Variants in HOOK3 observed in about 807,000 individuals in gnomAD.
HOOK3 encodes hook microtubule tethering protein 3, also known as protein Hook homolog 3.
HOOK3 carries 24 observed loss-of-function variants against 116.3 expected under a neutral mutation model. That is an observed-to-expected ratio of 0.21 (90% CI 0.15 to 0.29). The LOEUF is 0.29. Among genes scored for constraint, HOOK3 ranks in the 10% least tolerant of loss-of-function variants. The pLI is 1.00. For missense variants in HOOK3, 632 were observed against 830.2 expected (o/e 0.76, Z 2.93); for synonymous variants, 275 against 283.0 (o/e 0.97, Z 0.28).
intron 11 of HOOK3, among the ~76,000 whole-genome samples, chr8:42,970,412 T>G (rs1260549826): frequency 6.6e-6 from 1 of 152,212 alleles, no homozygotes; most frequent in Non-Finnish European, 1.5e-5. Context: ...GCCCTTTGCT[T>G]TCCCTTTAAA....
At chr8:42,934,450 T>C (rs1807927723) in intron 4 of HOOK3, among the ~76,000 whole-genome samples, 1 of 152,142 alleles carries the variant, frequency 6.6e-6, no homozygotes, top group African/African-American at 2.4e-5. Flanking sequence ...CGTGCAGGTT[T>C]GTTACATAGC....
chr8:42,949,249 T>C (rs1808293163), intron 5 of HOOK3: 1 of 152,250 alleles, frequency 6.6e-6, no homozygotes, highest in South Asian at 2.1e-4. Flanking sequence ...GTGTTTCTTA[T>C]TGCAAAGGCA....
chr8:42,996,654 C>G (rs368874391), intron 15 of HOOK3, among the ~76,000 whole-genome samples: 10 of 152,180 alleles, frequency 6.6e-5, no homozygotes, highest in African/African-American at 2.2e-4. Context: ...TTTCTGCATA[C>G]TTTGGACATA....
chr8:42,978,465 C>T (rs549750236), intron 13 of HOOK3, among the ~76,000 whole-genome samples: 1 of 150,606 alleles, frequency 6.6e-6, no homozygotes, highest in African/African-American at 2.4e-5. Context: ...GGCTGGAGTG[C>T]AATGGCGCTA....
intron 16 of HOOK3, among the ~76,000 whole-genome samples, chr8:42,998,321 C>A (rs1340717235): frequency 1.3e-5 from 2 of 152,110 alleles, no homozygotes; most frequent in Non-Finnish European, 2.9e-5. Flanking sequence ...AACAACCGAG[C>A]TAAGACTTAG....
chr8:42,973,225 A>G, intron 11 of HOOK3, 64 bp from the exon 12 acceptor site: 3 of 1,525,880 alleles, frequency 2.0e-6, no homozygotes, highest in Non-Finnish European at 1.8e-6. Context: ...AACCTGTAGA[A>G]GAAAATAAGG....
intron 4 of HOOK3, among the ~76,000 whole-genome samples, chr8:42,942,872 C>T (rs1465987869): frequency 6.6e-6 from 1 of 152,182 alleles, no homozygotes; most frequent in African/African-American, 2.4e-5. Flanking sequence ...TTTCATGCTC[C>T]TTCCTGACGT....
intron 15 of HOOK3, among the ~76,000 whole-genome samples, chr8:42,988,036 C>G (rs779275358): frequency 1.3e-5 from 2 of 152,096 alleles, no homozygotes; most frequent in African/African-American, 2.4e-5. Context: ...ATCCATCCTA[C>G]CCTTTTTCCT....
intron 6 of HOOK3, among the ~76,000 whole-genome samples, chr8:42,955,887 G>A (rs1440828070): frequency 1.3e-5 from 2 of 152,162 alleles, no homozygotes; most frequent in African/African-American, 2.4e-5. Context: ...TTTAAGAGAT[G>A]TGGTCTTGTT....
chr8:42,973,231 T>G, intron 11 of HOOK3, 58 bp from the exon 12 acceptor site: 2 of 1,533,362 alleles, frequency 1.3e-6, no homozygotes, highest in South Asian at 1.3e-5. Flanking sequence ...TAGAAGAAAA[T>G]AAGGATAATT....
chr8:42,963,208 T>C (rs1808569213), intron 8 of HOOK3, among the ~76,000 whole-genome samples: 1 of 152,206 alleles, frequency 6.6e-6, no homozygotes, highest in South Asian at 2.1e-4. Context: ...ATTCCATATA[T>C]GAAATTCGGG....
At chr8:42,989,684 A>G (rs1430721875) in intron 15 of HOOK3, among the ~76,000 whole-genome samples, 4 of 152,244 alleles carry the variant, frequency 2.6e-5, no homozygotes, top group South Asian at 4.1e-4. Context: ...TGCGCTAGGA[A>G]ATACTAGGTC....
intron 14 of HOOK3, among the ~76,000 whole-genome samples, chr8:42,985,849 G>T (rs1458090456): frequency 6.6e-6 from 1 of 152,028 alleles, no homozygotes; most frequent in African/African-American, 2.4e-5. Flanking sequence ...AAAAGTAAAA[G>T]ATTTATTGTG....
At chr8:42,942,639 GT>G (rs891099482) in intron 4 of HOOK3, among the ~76,000 whole-genome samples, 1 of 152,056 alleles carries the variant, frequency 6.6e-6, no homozygotes, top group African/African-American at 2.4e-5. Flanking sequence ...TGCTTTCATT[GT>G]TTTTGCCTAT....
intron 6 of HOOK3, among the ~76,000 whole-genome samples, chr8:42,953,566 A>G (rs181564540): frequency 0.017 from 2,444 of 146,348 alleles, 28 homozygotes; most frequent in Non-Finnish European, 0.023. Flanking sequence ...TCCATCTCAG[A>G]AAAAAAAAAA....
chr8:42,999,271 T>C (rs1809336144), intron 16 of HOOK3, among the ~76,000 whole-genome samples: 1 of 152,264 alleles, frequency 6.6e-6, no homozygotes, highest in Non-Finnish European at 1.5e-5. Context: ...TAACAGAACG[T>C]ATTTCAGAAG....
chr8:42,921,337 G>T (rs1807653962), intron 2 of HOOK3, among the ~76,000 whole-genome samples: 1 of 152,024 alleles, frequency 6.6e-6, no homozygotes, highest in Non-Finnish European at 1.5e-5. Flanking sequence ...TTTTTAGTTG[G>T]AAAGCAATAC....
At chr8:42,975,961 T>C (rs1303871142) in intron 13 of HOOK3, among the ~76,000 whole-genome samples, 1 of 152,064 alleles carries the variant, frequency 6.6e-6, no homozygotes, top group East Asian at 1.9e-4. Flanking sequence ...CACCTCGGCC[T>C]CCCACAGTGC....
intron 18 of HOOK3, among the ~76,000 whole-genome samples, 170 bp downstream of exon 18, chr8:43,008,099 A>G (rs1809527738): frequency 6.6e-6 from 1 of 151,888 alleles, no homozygotes; most frequent in African/African-American, 2.4e-5. Flanking sequence ...GCTCACTGCA[A>G]GCTTTGCCTT....
Sources: gnomAD v4.1 joint callset for allele counts (sites outside exome capture counted in the v4.1 genomes callset) on GRCh38, gnomAD v4.1.1 for gene constraint, MANE v1.5 for transcripts, NCBI Gene and HGNC (gene_info 2026-07-23, HGNC 2026-07-21) for gene names.